HORMAD2: variants seen among roughly 807,000 people sequenced by gnomAD.
The protein encoded by HORMAD2 is HORMA domain-containing protein 2.
In HORMAD2, 45 loss-of-function variants were observed where a neutral mutation model predicts 38.8. The observed-to-expected ratio is 1.16, with a 90% CI of 0.91 to 1.49. The LOEUF is 1.49. Among genes scored for constraint, HORMAD2 ranks in the 40% most tolerant of loss-of-function variants. The pLI is 0.00. For synonymous variants in HORMAD2, 126 were observed against 122.8 expected (o/e 1.03, Z -0.17); for missense variants, 338 against 367.0 (o/e 0.92, Z 0.65).
intron 2 of HORMAD2, among the ~76,000 whole-genome samples, chr22:30,096,500 TCTCA>T (rs1426713773): frequency 1.3e-5 from 2 of 151,350 alleles, no homozygotes; most frequent in East Asian, 3.9e-4. Context: ...TTTTTGACAG[TCTCA>T]CTCTGTCACC....
At chr22:30,138,326 T>A (rs562126310) in intron 10 of HORMAD2, among the ~76,000 whole-genome samples, 4 of 151,534 alleles carry the variant, frequency 2.6e-5, no homozygotes, top group Non-Finnish European at 5.9e-5. Context: ...CCGCCATGCC[T>A]GGGTAATTTT....
At chr22:30,190,949 C>A in the HORMAD2 span, among the ~76,000 whole-genome samples, 1 of 151,944 alleles carries the variant, frequency 6.6e-6, no homozygotes, top group Non-Finnish European at 1.5e-5. Flanking sequence ...TAGCTGGGAA[C>A]CCAGATTCTA....
At chr22:30,172,001 C>T (rs1360775477) in intron 10 of HORMAD2, among the ~76,000 whole-genome samples, 1 of 152,106 alleles carries the variant, frequency 6.6e-6, no homozygotes, top group Non-Finnish European at 1.5e-5. Flanking sequence ...CTGGGAAATA[C>T]TCAGGAGGTC....
chr22:30,200,196 C>T, the HORMAD2 span, among the ~76,000 whole-genome samples: 9 of 151,852 alleles, frequency 5.9e-5, no homozygotes, highest in South Asian at 2.1e-4. Context: ...GGATTATAGG[C>T]GTCAGCCACC....
chr22:30,152,160 A>G (rs1159509701), intron 10 of HORMAD2, among the ~76,000 whole-genome samples: 4 of 151,972 alleles, frequency 2.6e-5, no homozygotes, highest in African/African-American at 9.7e-5. Flanking sequence ...AATAGAACTT[A>G]GAGTCTCTGT....
chr22:30,147,334 T>C (rs1340825629), intron 10 of HORMAD2, among the ~76,000 whole-genome samples: 1 of 152,044 alleles, frequency 6.6e-6, no homozygotes, highest in Non-Finnish European at 1.5e-5. Context: ...ACGTATGTAG[T>C]CAATAATTTT....
intron 10 of HORMAD2, among the ~76,000 whole-genome samples, chr22:30,123,535 C>CT (rs1314094360): frequency 1.3e-5 from 2 of 152,024 alleles, no homozygotes; most frequent in Non-Finnish European, 2.9e-5. Flanking sequence ...AAGGGTCTCA[C>CT]TGTTACCAGG....
chr22:30,077,878 A>G (rs2068403131), upstream of HORMAD2, among the ~76,000 whole-genome samples: 1 of 152,234 alleles, frequency 6.6e-6, no homozygotes, highest in South Asian at 2.1e-4. Flanking sequence ...CATTCATTCA[A>G]CTATTTGAAT....
intron 10 of HORMAD2, among the ~76,000 whole-genome samples, chr22:30,168,451 A>G (rs1359247252): frequency 6.6e-6 from 1 of 152,194 alleles, no homozygotes; most frequent in East Asian, 1.9e-4. Context: ...CACATAGTCA[A>G]TGCCTGGTGG....
Position 30,122,112 on chromosome 22 carries a change from A to G in HORMAD2, c.717A>G (p.Thr239=), listed in dbSNP as rs1199171918. The G allele has an allele frequency of 3.7e-6, 6 of 1,613,696 alleles. No individual in the cohort carries two copies. In the Admixed American group the frequency reaches 5.0e-5, roughly 13 times the overall value. ...SMKVKVMTEA[T]KVIDLENNLF... ...AAGTAAAAGTCATGACAGAGGCTAC[A>G]AAAGTGATTGATTTGGAGAACAATC... The change falls in exon 10 of 11, where the codon ACA becomes ACG. Residue 239 remains threonine (T), a synonymous_variant. Coordinates refer to ENST00000336726, the MANE Select transcript of HORMAD2 (RefSeq NM_152510.4).
At chr22:30,141,520 C>A (rs939976283) in intron 10 of HORMAD2, among the ~76,000 whole-genome samples, 6 of 152,098 alleles carry the variant, frequency 3.9e-5, no homozygotes, top group African/African-American at 1.4e-4. Context: ...CAAGCCCTTC[C>A]ACATACATTT....
At chr22:30,093,122 G>A (rs2068721086) in intron 1 of HORMAD2, among the ~76,000 whole-genome samples, 1 of 152,084 alleles carries the variant, frequency 6.6e-6, no homozygotes, top group Non-Finnish European at 1.5e-5. Flanking sequence ...TCTAATCAAT[G>A]AATACGGGAT....
intron 2 of HORMAD2, among the ~76,000 whole-genome samples, chr22:30,098,355 G>C (rs543137726): frequency 6.6e-6 from 1 of 152,126 alleles, no homozygotes; most frequent in East Asian, 1.9e-4. Context: ...AGATATGTAC[G>C]GATAGGTGAA....
intron 4 of HORMAD2, 67 bp downstream of exon 4, chr22:30,103,567 G>T: frequency 3.1e-6 from 2 of 653,714 alleles, no homozygotes; most frequent in Non-Finnish European, 2.6e-6. Flanking sequence ...TTACCCATAA[G>T]ACTTTATTTA....
intron 2 of HORMAD2, among the ~76,000 whole-genome samples, chr22:30,096,100 A>G (rs2068776806): frequency 6.6e-6 from 1 of 152,154 alleles, no homozygotes; most frequent in Non-Finnish European, 1.5e-5. Context: ...CATCTATATT[A>G]CTCAGTATAG....
chr22:30,098,968 C>G lies in HORMAD2; in HGVS notation c.168C>G (p.Ser56Arg). The change falls in exon 3 of 11, where the codon AGC (serine) becomes AGG (arginine). Residue 56 changes from serine to arginine, a missense_variant. Ser to Arg is a moderately radical substitution (Grantham distance 110). Transcript: ENST00000336726. ...ITYLRGLFPE[S>R]SYGERHLDDL... The stretch of plus-strand genomic sequence containing the variant: ...ACCTAAGGGGCCTGTTTCCAGAGAG[C>G]TCTTATGGAGAACGCCATTTGGATG... The G allele has an allele frequency of 6.2e-7, 1 of 1,611,214 alleles. No homozygotes were observed. Among genetic ancestry groups the G allele is most frequent in the Non-Finnish European group, 8.5e-7 (1 of 1,178,612 alleles).
chr22:30,104,421 C>G lies in HORMAD2; in HGVS notation c.278C>G (p.Ala93Gly). 1 of 1,610,470 alleles carries G rather than the reference C, an allele frequency of 6.2e-7. No individual in the cohort carries two copies. The highest frequency in any genetic ancestry group is 8.5e-7 in the Non-Finnish European group (1 of 1,177,946). The change falls in exon 5 of 11, where the codon GCT becomes GGT. Residue 93 changes from alanine to glycine, a missense_variant. Transcript: ENST00000336726. ...IIRWIQGCFD[A>G]LEKRYLRMAV... ...GACAGGATTCAAGGTTGTTTTGATG[C>G]TTTGGAAAAGAGATACGTAAGAATG...
At chr22:30,097,260 ATCAGCAAATAT>A (rs1422568908) in intron 2 of HORMAD2, among the ~76,000 whole-genome samples, 1 of 152,242 alleles carries the variant, frequency 6.6e-6, no homozygotes, top group African/African-American at 2.4e-5. Context: ...CAACCCATCC[ATCAGCAAATAT>A]TCTACTCTTG....
At chr22:30,139,606 T>A (rs1249293806) in intron 10 of HORMAD2, among the ~76,000 whole-genome samples, 6 of 152,046 alleles carry the variant, frequency 3.9e-5, no homozygotes, top group Non-Finnish European at 5.9e-5. Context: ...TCTTATCTAA[T>A]TGCCCTGGCT....
Sources: allele counts gnomAD v4.1 joint callset (sites outside exome capture counted in the v4.1 genomes callset), GRCh38; gene constraint gnomAD v4.1.1; transcripts MANE v1.5; gene names NCBI Gene and HGNC (gene_info 2026-07-23, HGNC 2026-07-21).